The following MPND variants were observed in gnomAD, a reference collection of about 807,000 sequenced individuals.
MPND encodes the protein MPN domain-containing protein.
Under a neutral mutation model 59.2 loss-of-function variants are expected in MPND, and 56 were observed. That is an observed-to-expected ratio of 0.95 (90% confidence interval 0.76 to 1.18). The LOEUF (loss-of-function observed/expected upper bound fraction) is 1.18. Among genes scored for constraint, MPND ranks in the 50% most tolerant of loss-of-function variants. The pLI is 0.00. For synonymous variants in MPND, 323 were observed against 291.9 expected, an observed-to-expected ratio of 1.11 and a Z score of -1.09; for missense variants, 671 against 676.0, an observed-to-expected ratio of 0.99 and a Z score of 0.08.
At chr19:4,353,687 G>C in intron 4 of MPND, 1 of 221,878 alleles carries the variant, frequency 4.5e-6, no homozygotes, top group Non-Finnish European at 9.2e-6. Flanking sequence ...TCAGCCTCTT[G>C]AGTAACTGGG....
chr19:4,357,149 C>T (rs1972454570), intron 8 of MPND, 104 bp from the exon 9 acceptor site: 3 of 1,309,752 alleles, frequency 2.3e-6, no homozygotes, highest in African/African-American at 3.0e-5. Flanking sequence ...ACTGTGTCCC[C>T]AGGCCTGATA....
At chr19:4,350,684 T>C (rs1413562899) in intron 3 of MPND, among the ~76,000 whole-genome samples, 2 of 152,040 alleles carry the variant, frequency 1.3e-5, no homozygotes, top group Non-Finnish European at 2.9e-5. Context: ...ATCTGGGGGT[T>C]CAGTGGGGCC....
chr19:4,354,004 T>G, intron 4 of MPND, 41 bp from the exon 5 acceptor site: 1 of 1,578,420 alleles, frequency 6.3e-7, no homozygotes, highest in Non-Finnish European at 8.7e-7. Context: ...TTGTTCTAAC[T>G]TGGGCTGGGG....
chr19:4,358,421 G>C, intron 11 of MPND: 1 of 520,910 alleles, frequency 1.9e-6, no homozygotes, highest in Non-Finnish European at 3.4e-6. Flanking sequence ...AGGCTGTCCA[G>C]TAGAGAAACC....
At chr19:4,353,811 C>T (rs1196788981) in intron 4 of MPND, 5 of 485,226 alleles carry the variant, frequency 1.0e-5, no homozygotes, top group Non-Finnish European at 1.5e-5. Flanking sequence ...AATCCTCTCA[C>T]CTCAGCTTCC....
intron 8 of MPND, among the ~76,000 whole-genome samples, chr19:4,355,429 G>A (rs1206652562): frequency 6.8e-6 from 1 of 147,384 alleles, no homozygotes; most frequent in Non-Finnish European, 1.5e-5. Flanking sequence ...TCCGCCTCCC[G>A]GGTTCACGCC....
intron 8 of MPND, 105 bp downstream of exon 8, chr19:4,355,278 C>T: frequency 2.6e-6 from 3 of 1,171,220 alleles, no homozygotes; most frequent in Middle Eastern, 2.8e-4. Flanking sequence ...AGCAACCGTG[C>T]AGGTGAGCAT....
chr19:4,343,874 CG>C lies in MPND; in HGVS notation c.178del (p.Ala60ArgfsTer76). 1 of 1,107,868 alleles carries C rather than the reference CG, an allele frequency of 9.0e-7. No homozygotes were observed. The highest frequency in any genetic ancestry group is 1.1e-6 in the Non-Finnish European group (1 of 902,472). The allele number at this position is 1,107,868 out of a possible 1,614,324, so 68.6% of individuals were successfully genotyped here. The stretch of plus-strand genomic sequence containing the variant: ...GCGGAGGAGGCGGCGGCGGCGGGGC[CG>C]GGGCGGGGGGCTGCGGCGGGCCCGG... The part of the protein sequence containing the change: ...VSGGGGGGGA[G>X]AGGCGGPGGA... On this transcript the variant is annotated frameshift_variant, in exon 2 of 13. Coordinates refer to ENST00000599840, the MANE Select transcript of MPND (RefSeq NM_001300862.2). LOFTEE classifies it high-confidence loss of function.
intron 3 of MPND, among the ~76,000 whole-genome samples, chr19:4,351,861 C>CAAAAAAAAA (rs1217874445): frequency 5.6e-4 from 29 of 51,388 alleles, no homozygotes; most frequent in South Asian, 7.4e-4. Context: ...GACTCTGTCT[C>CAAAAAAAAA]AAAAAAAAAA....
In MPND at chr19:4,343,577, C is replaced by G; in HGVS notation, c.-17C>G. ...GGAAGCCGGAGTCTAGAGCTCCGGGCGCGGGGAGGCGCGGCCATGGCAGGT... is the reference window on the plus strand; with the variant it reads ...GGAAGCCGGAGTCTAGAGCTCCGGGGGCGGGGAGGCGCGGCCATGGCAGGT... On this transcript the variant is annotated 5_prime_UTR_variant, in exon 1 of 13. Transcript: ENST00000599840. 8.2e-7 allele frequency: 1 copy of G among 1,220,822 alleles called. No homozygotes were observed. Among genetic ancestry groups the G allele is most frequent in the Non-Finnish European group, 1.0e-6 (1 of 980,922 alleles). The allele number at this position is 1,220,822 out of a possible 1,614,324, so 75.6% of individuals were successfully genotyped here.
chr19:4,343,779 G>T lies in MPND; in HGVS notation c.79G>T (p.Ala27Ser). The change falls in exon 2 of 13, where the codon GCC (alanine) becomes TCC (serine). Residue 27 changes from alanine (A) to serine (S), a missense_variant. By Grantham distance (99) the Ala-to-Ser change is moderately conservative. Coordinates refer to ENST00000599840, the MANE Select transcript of MPND (RefSeq NM_001300862.2). ...APEEDEDEAE[A>S]EDPERPNAGA... ...GGAGGAGGACGAGGACGAAGCGGAG[G>T]CCGAGGACCCTGAGCGGCCGAATGC... is the stretch of plus-strand genomic sequence containing the variant. The T allele has an allele frequency of 8.3e-7, 1 of 1,209,282 alleles. No homozygotes were observed. The highest frequency in any genetic ancestry group is 1.0e-6 in the Non-Finnish European group (1 of 972,840). The allele number at this position is 1,209,282 out of a possible 1,614,324, so 74.9% of individuals were successfully genotyped here.
chr19:4,357,693 CCA>C lies in MPND; in HGVS notation c.1236+109_1236+110del, dbSNP rs377017388. 224 of 1,070,486 alleles carry C rather than the reference CCA, an allele frequency of 2.1e-4. No homozygotes were observed. In the African/African-American group the frequency reaches 3.2e-3, roughly 15 times the overall value. The allele number at this position is 1,070,486 out of a possible 1,614,324, so 66.3% of individuals were successfully genotyped here. ...CAGGCTCCACTGGAGAGTTGGGGCC[CCA>C]GTTTCTCCATCTATGAAATGGGGAC... On this transcript the variant is annotated intron_variant, in intron 10 of 12. Coordinates refer to ENST00000599840, the MANE Select transcript of MPND (RefSeq NM_001300862.2).
intron 2 of MPND, among the ~76,000 whole-genome samples, chr19:4,345,293 C>G (rs1003818205): frequency 1.3e-5 from 2 of 151,444 alleles, no homozygotes; most frequent in African/African-American, 2.4e-5. Context: ...GTGATCCGCC[C>G]GCCTCAGCCT....
At chr19:4,344,907 T>A (rs1461694630) in intron 2 of MPND, among the ~76,000 whole-genome samples, 1 of 151,010 alleles carries the variant, frequency 6.6e-6, no homozygotes, top group Non-Finnish European at 1.5e-5. Flanking sequence ...TGGCTAATTT[T>A]TTTTTTTTGC....
chr19:4,350,265 A>G lies in MPND; in HGVS notation c.532-2632A>G, dbSNP rs563121351. ...CTGGAGCCGAGTGAGTAAGGGAGAG[A>G]GAAGGAGGTGGGGAGGATGGGAAGG... On this transcript the variant is annotated intron_variant, in intron 3 of 12. Transcript: ENST00000599840. 7.2e-5 allele frequency among the ~76,000 whole-genome samples: 11 copies of G among 151,970 alleles called. No homozygotes were observed. In the East Asian group the frequency reaches 2.1e-3, roughly 29 times the overall value.
At position 4,360,076 on chromosome 19, in the gene MPND, G is replaced by A; in HGVS notation, c.*74G>A. On this transcript the variant is annotated 3_prime_UTR_variant, in exon 13 of 13. Transcript: ENST00000599840. ...CTCAGGTAATAAAGAAACGGAAGCA[G>A]CAGCCAGCCACGCTGGTCTCCCCAA... The A allele has an allele frequency of 7.3e-7, 1 of 1,363,832 alleles. No individual in the cohort carries two copies. 84.5% of individuals were successfully genotyped at this position (1,363,832 alleles called of 1,614,324 possible). A position where few individuals can be genotyped will look rare whatever the true frequency, so the allele number is the denominator to read the frequency against.
In MPND at chr19:4,359,192, C is replaced by T. The variant is rs1972517916; in HGVS notation, c.1356C>T (p.Ser452=). 4 of 1,613,338 alleles carry T rather than the reference C, an allele frequency of 2.5e-6. No homozygotes were observed. Among genetic ancestry groups the T allele is most frequent in the Non-Finnish European group, 3.4e-6 (4 of 1,179,728 alleles). The change falls in exon 12 of 13, where the codon TCC becomes TCT. Residue 452 remains serine, a synonymous_variant. Transcript: ENST00000599840. ...TGCTGGTGGAGTTCTACAAGGGTTCCCCTGACCTCGTGAGGCTCCAGGAAC... is the reference window on the plus strand; with the variant it reads ...TGCTGGTGGAGTTCTACAAGGGTTCTCCTGACCTCGTGAGGCTCCAGGAAC... The part of the protein sequence containing the change: ...MMLLVEFYKG[S]PDLVRLQEPW...
intron 10 of MPND, 35 bp downstream of exon 10, chr19:4,357,620 G>T: frequency 4.4e-6 from 7 of 1,575,842 alleles, no homozygotes; most frequent in Non-Finnish European, 6.0e-6. Context: ...TGGGGGGCCC[G>T]GGAGCACTGG....
chr19:4,356,160 C>G (rs1454923085), intron 8 of MPND, among the ~76,000 whole-genome samples: 1 of 152,106 alleles, frequency 6.6e-6, no homozygotes, highest in Non-Finnish European at 1.5e-5. Context: ...CCTAAGAGCA[C>G]TGCTTTTGGA....
Sources: gnomAD v4.1 joint callset for allele counts (sites outside exome capture counted in the v4.1 genomes callset) on GRCh38, gnomAD v4.1.1 for gene constraint, MANE v1.5 for transcripts, NCBI Gene and HGNC (gene_info 2026-07-23, HGNC 2026-07-21) for gene names.